The following SLC5A10 variants were observed in gnomAD, a reference collection of about 807,000 sequenced individuals.
SLC5A10 encodes sodium/mannose cotransporter SLC5A10.
SLC5A10 carries 55 observed loss-of-function variants against 68.9 expected under a neutral mutation model. The observed-to-expected ratio is 0.80, with a 90% CI of 0.64 to 1.00. SLC5A10 has a LOEUF of 1.00. Among genes scored for constraint, SLC5A10 ranks in the 50% least tolerant of loss-of-function variants. SLC5A10 has a pLI of 0.00. For synonymous variants in SLC5A10, 344 were observed against 344.8 expected (o/e 1.00, Z 0.02); for missense variants, 732 against 819.3 (o/e 0.89, Z 1.30).
rs2044153818 is a variant in SLC5A10, at chr17:19,017,004, C to T, written c.1241+1805C>T. On this transcript the variant is annotated intron_variant, in intron 11 of 14. Transcript: ENST00000395645. This position sits in a 1 kb window ranked among gnomAD's most constrained non-coding sequence, Gnocchi z 5.6. ...GCCTCCTCACCCAGACTCCCACCTGCAACCAAAAGTCTTGACCTGGCCTCC... is the reference window on the plus strand; with the variant it reads ...GCCTCCTCACCCAGACTCCCACCTGTAACCAAAAGTCTTGACCTGGCCTCC... Among the ~76,000 whole-genome samples, 1 of 152,198 alleles carries T rather than the reference C, an allele frequency of 6.6e-6. No homozygotes were observed. The highest frequency in any genetic ancestry group is 1.5e-5 in the Non-Finnish European group (1 of 68,026).
At chr17:18,951,418 G>A (rs1035615293), upstream of SLC5A10, among the ~76,000 whole-genome samples, 1 of 151,212 alleles carries the variant, frequency 6.6e-6, no homozygotes, top group Admixed American at 6.6e-5. Flanking sequence ...TGCTGTGAGC[G>A]TGAAATGGGA....
upstream of SLC5A10, among the ~76,000 whole-genome samples, chr17:18,951,114 T>C (rs138336925): frequency 1.3e-5 from 2 of 152,378 alleles, no homozygotes; most frequent in African/African-American, 4.8e-5. Context: ...CGCTCACTCA[T>C]TAACACTTCT....
At chr17:19,015,016 G>C (rs778425703) in intron 10 of SLC5A10, 33 bp from the exon 11 acceptor site, 5 of 1,598,340 alleles carry the variant, frequency 3.1e-6, no homozygotes, top group Middle Eastern at 1.7e-4. Flanking sequence ...TCTCAAGGCC[G>C]GACAGGGTCA....
At chr17:18,999,430 T>A (rs1310663353) in intron 9 of SLC5A10, among the ~76,000 whole-genome samples, 1 of 152,144 alleles carries the variant, frequency 6.6e-6, no homozygotes, top group Non-Finnish European at 1.5e-5. Flanking sequence ...GCCTGCAGAC[T>A]GGGGGTCTCG....
At chr17:18,988,788 G>C (rs749870600) in intron 9 of SLC5A10, among the ~76,000 whole-genome samples, 4 of 152,250 alleles carry the variant, frequency 2.6e-5, no homozygotes, top group Non-Finnish European at 5.9e-5. Flanking sequence ...TCCTGGGCTG[G>C]TGTGGACTTT....
rs150950085 is a variant in SLC5A10, at chr17:19,020,197, T to C, written c.1669T>C (p.Leu557=). 34 of 1,576,932 alleles carry C rather than the reference T, an allele frequency of 2.2e-5. No homozygotes were observed. Among genetic ancestry groups the C allele is most frequent in the Non-Finnish European group, 2.8e-5 (32 of 1,159,832 alleles). The change falls in exon 14 of 15, where the codon TTG becomes CTG. Residue 557 remains leucine, a synonymous_variant. Coordinates refer to ENST00000395645, the MANE Select transcript of SLC5A10 (RefSeq NM_001042450.4). ...TWWTLAQDVP[L]GTKAGDGQTP... ...GTGGACCCTGGCTCAGGATGTGCCC[T>C]TGGGAACTAAAGCAGGTAAGTGGAT... is the stretch of plus-strand genomic sequence containing the variant.
rs2044222492 is a variant in SLC5A10, at chr17:19,019,759, G to A, written c.1457G>A (p.Arg486Lys). The change falls in exon 13 of 15, where the codon AGG becomes AAG. Residue 486 changes from arginine to lysine, a missense_variant. Transcript: ENST00000395645. The stretch of plus-strand genomic sequence containing the variant: ...GCAGGGCTGGTGGTGGGGGCCACGA[G>A]GCTGGTCCTGGAATTCCTGAACCCA... ...LIAGLVVGAT[R>K]LVLEFLNPAP... The A allele has an allele frequency of 1.9e-6, 3 of 1,612,648 alleles. No homozygotes were observed. Among genetic ancestry groups the A allele is most frequent in the Non-Finnish European group, 2.5e-6 (3 of 1,179,796 alleles).
At position 18,969,345 on chromosome 17, in the gene SLC5A10, G is replaced by T. The variant is rs1247876765; in HGVS notation, c.563G>T (p.Gly188Val). Residue 188 changes from glycine (G) to valine (V), a missense_variant, in exon 7 of 15, where the codon GGC becomes GTC. Transcript: ENST00000395645. ...GCAACCTTGCTTCCACTGGCAGGGG[G>T]CCTGGCTGCTGTAATCTACACGGAC... ...GITALYTIAG[G>V]LAAVIYTDAL... 1.7e-5 allele frequency: 27 copies of T among 1,613,108 alleles called. No individual in the cohort carries two copies. Among genetic ancestry groups the T allele is most frequent in the Non-Finnish European group, 2.2e-5 (26 of 1,179,906 alleles).
intron 9 of SLC5A10, among the ~76,000 whole-genome samples, chr17:18,985,420 C>T (rs181908274): frequency 1.2e-4 from 19 of 152,344 alleles, no homozygotes; most frequent in Admixed American, 1.2e-3. Context: ...AAGGATGACC[C>T]TACCAGAAAA....
Position 18,959,610 on chromosome 17 carries a change from T to C in SLC5A10, c.295T>C (p.Tyr99His). 1 of 1,613,962 alleles carries C rather than the reference T, an allele frequency of 6.2e-7. No individual in the cohort carries two copies. Among genetic ancestry groups the C allele is most frequent in the East Asian group, 2.2e-5 (1 of 44,878 alleles). ...AVAGFEWNAT[Y>H]VLLALAWVFV... ...CCTGTCTCTGTCCCCATAGGCCACG[T>C]ACGTGCTGCTGGCACTGGCATGGGT... The change falls in exon 4 of 15, where the codon TAC becomes CAC. Residue 99 changes from tyrosine to histidine, a missense_variant. Transcript: ENST00000395645.
Position 19,003,645 on chromosome 17 carries a change from G to C in SLC5A10, c.983-9765G>C. 2 of 1,612,418 alleles carry C rather than the reference G, an allele frequency of 1.2e-6. No individual in the cohort carries two copies. The highest frequency in any genetic ancestry group is 1.1e-5 in the South Asian group (1 of 91,006). ...TAGGCGATGGTGTCGGGCCAGCCCA[G>C]GTCCAGCTGCGGGATGGAGCGGTCC... On this transcript the variant is annotated intron_variant, in intron 9 of 14. Transcript: ENST00000395645. The surrounding 1 kb of genome is among the most constrained non-coding windows in gnomAD (Gnocchi z 4.5).
rs1200792916 is a variant in SLC5A10, at chr17:18,969,344, G to C, written c.562G>C (p.Gly188Arg). ...AGCAACCTTGCTTCCACTGGCAGGGGGCCTGGCTGCTGTAATCTACACGGA... is the reference window on the plus strand; with the variant it reads ...AGCAACCTTGCTTCCACTGGCAGGGCGCCTGGCTGCTGTAATCTACACGGA... ...GITALYTIAG[G>R]LAAVIYTDAL... The change falls in exon 7 of 15, where the codon GGC becomes CGC. Residue 188 changes from glycine to arginine, a missense_variant and splice_region_variant. Physicochemically the swap from Gly to Arg is moderately radical, Grantham distance 125. Transcript: ENST00000395645. The C allele has an allele frequency of 6.2e-7, 1 of 1,613,266 alleles. No homozygotes were observed. The highest frequency in any genetic ancestry group is 1.3e-5 in the African/African-American group (1 of 75,024).
At position 18,976,988 on chromosome 17, in the gene SLC5A10, A is replaced by C. The variant is rs1181689085; in HGVS notation, c.981A>C (p.Pro327=). Reference sequence around the variant, plus strand: ...GCATGATCAGCCGCGCATTGTTCCCAGGTAGGACGGGCTCCGGGCACTGAA... The same window carrying C: ...GCATGATCAGCCGCGCATTGTTCCCCGGTAGGACGGGCTCCGGGCACTGAA... ...MPGMISRALF[P]DDVGCVVPSE... The change falls in exon 9 of 15, where the codon CCA becomes CCC. Residue 327 remains proline (P), a splice_region_variant and synonymous_variant. Transcript: ENST00000395645. 1 of 1,612,114 alleles carries C rather than the reference A, an allele frequency of 6.2e-7. No homozygotes were observed. Among genetic ancestry groups the C allele is most frequent in the Non-Finnish European group, 8.5e-7 (1 of 1,179,766 alleles).
chr17:18,979,867 A>G (rs1180174330), intron 9 of SLC5A10, among the ~76,000 whole-genome samples: 1 of 152,146 alleles, frequency 6.6e-6, no homozygotes, highest in Admixed American at 6.5e-5. Flanking sequence ...GGAGCTGCTG[A>G]GCCGTGAAGC....
intron 5 of SLC5A10, among the ~76,000 whole-genome samples, chr17:18,963,579 C>T (rs917428272): frequency 2.6e-5 from 4 of 152,244 alleles, no homozygotes; most frequent in African/African-American, 7.2e-5. Context: ...TTGAAGTGCA[C>T]GCGCCCAGGC....
chr17:18,969,513 C>T lies in SLC5A10; in HGVS notation c.640+91C>T, dbSNP rs112779390. 38 of 1,249,444 alleles carry T rather than the reference C, an allele frequency of 3.0e-5. 1 individual carries two copies. In the East Asian group the frequency reaches 6.8e-4, roughly 22 times the overall value. The allele number at this position is 1,249,444 out of a possible 1,614,324, so 77.4% of individuals were successfully genotyped here. A position where few individuals can be genotyped will look rare whatever the true frequency, so the allele number is the denominator to read the frequency against. On this transcript the variant is annotated intron_variant, in intron 7 of 14. Coordinates refer to ENST00000395645, the MANE Select transcript of SLC5A10 (RefSeq NM_001042450.4). ...GCCCGGCACTGTGCAGGATTCATGC[C>T]GTTGGGGTTCTGGGTAGCATCGCTG...
Position 18,968,807 on chromosome 17 carries a change from C to A in SLC5A10, c.454-245C>A. 1.9e-6 allele frequency: 1 copy of A among 516,102 alleles called. No individual in the cohort carries two copies. The highest frequency in any genetic ancestry group is 3.4e-6 in the Non-Finnish European group (1 of 291,684). The allele number at this position is 516,102 out of a possible 1,614,324, so 32.0% of individuals were successfully genotyped here. ...ACACTGCTTTTGGGAAAGGCATTGG[C>A]CACTTTGGACTTTATTAGCAACAGT... On this transcript the variant is annotated intron_variant, in intron 5 of 14. Transcript: ENST00000395645. The surrounding 1 kb of genome is among the most constrained non-coding windows in gnomAD (Gnocchi z 4.1).
Position 18,960,835 on chromosome 17 carries a change from G to T in SLC5A10, c.453+183G>T, listed in dbSNP as rs565337477. On this transcript the variant is annotated intron_variant, in intron 5 of 14. Transcript: ENST00000395645. ...AGCGAGTCTGGACAGGTAGTCCAGG[G>T]CCCCCGGGGTGTAGGCTCAGCAGCC... Among the ~76,000 whole-genome samples the T allele has an allele frequency of 2.6e-5, 4 of 152,308 alleles. No homozygotes were observed. The South Asian group carries it at 8.3e-4, about 32-fold the overall frequency.
chr17:19,005,656 C>A (rs2043866043), intron 9 of SLC5A10, among the ~76,000 whole-genome samples: 1 of 151,960 alleles, frequency 6.6e-6, no homozygotes, highest in African/African-American at 2.4e-5. Context: ...AACCCCCCCC[C>A]TCCAAGGCCT....
Sources: gnomAD v4.1 joint callset for allele counts (sites outside exome capture counted in the v4.1 genomes callset) on GRCh38, gnomAD v4.1.1 for gene constraint, Gnocchi (gnomAD v3.1) non-coding constraint, MANE v1.5 for transcripts, NCBI Gene and HGNC (gene_info 2026-07-23, HGNC 2026-07-21) for gene names.